EXOC4: variants seen among roughly 807,000 people sequenced by gnomAD.
EXOC4 encodes the protein exocyst complex component 4, also known as SEC8-like 1.
A neutral mutation model predicts 107.2 loss-of-function variants in EXOC4; 71 were observed. The ratio of observed to expected loss-of-function variants is 0.66; its 90% CI spans 0.55 to 0.81. EXOC4 has a LOEUF of 0.81. Among genes scored for constraint, EXOC4 ranks in the 30% least tolerant of loss-of-function variants. EXOC4 has a pLI of 0.00. For synonymous variants in EXOC4, 456 were observed against 441.2 expected, an observed-to-expected ratio of 1.03 and a Z score of -0.42; for missense variants, 1,108 against 1,189.6, an observed-to-expected ratio of 0.93 and a Z score of 1.01.
At chr7:133,563,187 G>C in intron 9 of EXOC4, among the ~76,000 whole-genome samples, 1 of 142,190 alleles carries the variant, frequency 7.0e-6, no homozygotes, top group Admixed American at 6.7e-5. Context: ...ATTTCTAATG[G>C]CATATGAAAT....
At chr7:133,460,005 A>G (rs181700560) in intron 7 of EXOC4, among the ~76,000 whole-genome samples, 91 of 152,350 alleles carry the variant, frequency 6.0e-4, no homozygotes, top group African/African-American at 2.1e-3. Flanking sequence ...GATGCCAGAA[A>G]TACCAGTGAA....
intron 7 of EXOC4, among the ~76,000 whole-genome samples, chr7:133,428,287 C>T (rs1007321122): frequency 3.9e-5 from 6 of 152,180 alleles, no homozygotes; most frequent in Non-Finnish European, 8.8e-5. Context: ...AATTTCTGGT[C>T]AAGGCCAACC....
At chr7:134,020,815 G>A (rs901367780) in intron 17 of EXOC4, among the ~76,000 whole-genome samples, 5 of 151,936 alleles carry the variant, frequency 3.3e-5, no homozygotes, top group Admixed American at 6.6e-5. Flanking sequence ...GTAAAACCCC[G>A]TCTCTTCTAA....
At chr7:133,981,704 G>T (rs1278519176) in intron 14 of EXOC4, among the ~76,000 whole-genome samples, 1 of 151,626 alleles carries the variant, frequency 6.6e-6, no homozygotes, top group Non-Finnish European at 1.5e-5. Context: ...TTCCTCAAAG[G>T]GCTAAAAACA....
At chr7:133,353,881 C>A (rs1584844734) in intron 5 of EXOC4, among the ~76,000 whole-genome samples, 1 of 151,642 alleles carries the variant, frequency 6.6e-6, no homozygotes, top group African/African-American at 2.4e-5. Flanking sequence ...TTTTTCTTCT[C>A]CCTGCTCACA....
intron 1 of EXOC4, among the ~76,000 whole-genome samples, chr7:133,273,897 C>G (rs1364662030): frequency 6.6e-6 from 1 of 151,976 alleles, no homozygotes; most frequent in Non-Finnish European, 1.5e-5. Flanking sequence ...ATGAAATAAA[C>G]TAGGCTGAAT....
At chr7:133,455,341 T>A (rs951972213) in intron 7 of EXOC4, among the ~76,000 whole-genome samples, 3 of 152,134 alleles carry the variant, frequency 2.0e-5, no homozygotes, top group African/African-American at 7.2e-5. Context: ...GAACTGTGGT[T>A]GACTATGGGT....
At chr7:134,071,022 G>C (rs1271843318), downstream of EXOC4, among the ~76,000 whole-genome samples, 1 of 152,192 alleles carries the variant, frequency 6.6e-6, no homozygotes, top group Non-Finnish European at 1.5e-5. Context: ...GAAACCATTA[G>C]TAGCTGGTTT....
At chr7:133,932,932 G>C (rs917023061) in intron 13 of EXOC4, among the ~76,000 whole-genome samples, 2 of 152,112 alleles carry the variant, frequency 1.3e-5, no homozygotes, top group African/African-American at 4.8e-5. Flanking sequence ...GAGAGAGAGA[G>C]AGGGAGAGAA....
At chr7:133,379,458 T>C (rs1796564955) in intron 7 of EXOC4, among the ~76,000 whole-genome samples, 1 of 152,086 alleles carries the variant, frequency 6.6e-6, no homozygotes, top group Non-Finnish European at 1.5e-5. Flanking sequence ...TGGAAAGAGA[T>C]AACCATGAAA....
chr7:133,872,696 A>C (rs1026547891), intron 11 of EXOC4, among the ~76,000 whole-genome samples: 1 of 152,250 alleles, frequency 6.6e-6, no homozygotes, highest in South Asian at 2.1e-4. Context: ...TTTCAGTTAC[A>C]TGGGAACTGT....
chr7:133,606,493 CTGTT>C (rs1487821715), intron 9 of EXOC4, among the ~76,000 whole-genome samples: 1 of 150,222 alleles, frequency 6.7e-6, no homozygotes, highest in Non-Finnish European at 1.5e-5. Flanking sequence ...TCCTTTGCTG[CTGTT>C]TATTATTATT....
At chr7:133,471,979 CTG>C (rs1181304942) in intron 7 of EXOC4, among the ~76,000 whole-genome samples, 2 of 152,078 alleles carry the variant, frequency 1.3e-5, no homozygotes, top group Non-Finnish European at 2.9e-5. Context: ...AGAAAAAACA[CTG>C]GAATTATTCT....
Position 133,774,417 on chromosome 7 carries a change from C to T in EXOC4, c.1515-42908C>T, listed in dbSNP as rs1020492824. Among the ~76,000 whole-genome samples, 16 of 152,138 alleles carry T rather than the reference C, an allele frequency of 1.1e-4. 1 individual carries two copies. Among genetic ancestry groups the T allele is most frequent in the Middle Eastern group, 3.4e-3 (1 of 294 alleles). ...AAAAAAAGAATGCAACCAAAGATGA[C>T]GAGATAGTATATATTAAAGTTAGTT... On this transcript the variant is annotated intron_variant, in intron 10 of 17. Coordinates refer to ENST00000253861, the MANE Select transcript of EXOC4 (RefSeq NM_021807.4).
At chr7:133,941,573 C>T (rs892055615) in intron 14 of EXOC4, among the ~76,000 whole-genome samples, 2 of 152,254 alleles carry the variant, frequency 1.3e-5, no homozygotes, top group South Asian at 2.1e-4. Context: ...CTCCTGACCA[C>T]ACCAAAGGTA....
chr7:134,058,243 T>C (rs1795976272), intron 17 of EXOC4, among the ~76,000 whole-genome samples: 1 of 152,136 alleles, frequency 6.6e-6, no homozygotes, highest in Non-Finnish European at 1.5e-5. Flanking sequence ...TCAGCTCAAT[T>C]TTTCTCCCTC....
intron 6 of EXOC4, among the ~76,000 whole-genome samples, chr7:133,373,949 G>A (rs1796431782): frequency 1.3e-5 from 2 of 152,180 alleles, no homozygotes; most frequent in African/African-American, 4.8e-5. Flanking sequence ...TGAGGCTCAT[G>A]TGATAAGTTC....
At chr7:134,010,732 C>T (rs1248683525) in intron 17 of EXOC4, among the ~76,000 whole-genome samples, 1 of 152,194 alleles carries the variant, frequency 6.6e-6, no homozygotes, top group Admixed American at 6.6e-5. Flanking sequence ...TCACTAGTTG[C>T]CGTGTGTCAG....
intron 10 of EXOC4, among the ~76,000 whole-genome samples, chr7:133,815,737 T>A (rs1047934742): frequency 2.0e-5 from 3 of 152,180 alleles, no homozygotes; most frequent in African/African-American, 7.2e-5. Flanking sequence ...TCTCTCTTCA[T>A]CCTCTGCATC....
Sources: allele counts gnomAD v4.1 joint callset (sites outside exome capture counted in the v4.1 genomes callset), GRCh38; gene constraint gnomAD v4.1.1; transcripts MANE v1.5; gene names NCBI Gene and HGNC (gene_info 2026-07-23, HGNC 2026-07-21).